Variants in UPF3B observed in about 807,000 individuals in gnomAD.
UPF3B encodes regulator of nonsense transcripts 3B.
Under a neutral mutation model 40.3 loss-of-function variants are expected in UPF3B, and 7 were observed. That is an observed-to-expected ratio of 0.17 (90% confidence interval 0.10 to 0.33). UPF3B has a LOEUF of 0.33. Among genes scored for constraint, UPF3B ranks in the 10% least tolerant of loss-of-function variants. The pLI is 1.00. For synonymous variants in UPF3B, 117 were observed against 117.3 expected (o/e 1.00, Z 0.01); for missense variants, 229 against 358.9 (o/e 0.64, Z 2.93).
intron 4 of UPF3B, among the ~76,000 whole-genome samples, chrX:119,818,037 C>T (rs1005143453): frequency 9.0e-6 from 1 of 111,330 alleles, no homozygotes; most frequent in Non-Finnish European, 1.9e-5. Flanking sequence ...GAGGCCGAGG[C>T]GGGTGGATCA....
chrX:119,814,859 C>CTTTTTTTT (rs140201169), intron 5 of UPF3B, among the ~76,000 whole-genome samples: 42 of 46,236 alleles, frequency 9.1e-4, no homozygotes, highest in East Asian at 1.8e-3. Flanking sequence ...TTCTTTCTTT[C>CTTTTTTTT]TTTTTTTTTT....
rs1469241408 is a variant in UPF3B at position 119,834,309 on chromosome X, T to C, written c.*569A>G. Reference sequence around the variant, plus strand: ...AAAACTAAAACTAATCCTAAAACTTTAGGACACTGGATACAGAAGTAACAT... The same window carrying C: ...AAAACTAAAACTAATCCTAAAACTTCAGGACACTGGATACAGAAGTAACAT... On this transcript the variant is annotated 3_prime_UTR_variant, in exon 11 of 11. Transcript: ENST00000276201. 2 of 754,849 alleles carry C rather than the reference T, an allele frequency of 2.6e-6. No individual in the cohort carries two copies. The highest frequency in any genetic ancestry group is 2.3e-5 in the African/African-American group (1 of 43,464). 62.2% of individuals were successfully genotyped at this position (754,849 alleles called of 1,213,427 possible). A position where few individuals can be genotyped will look rare whatever the true frequency, so the allele number is the denominator to read the frequency against.
intron 1 of UPF3B, 152 bp downstream of exon 1, chrX:119,852,621 G>T: frequency 1.1e-6 from 1 of 937,355 alleles, no homozygotes; most frequent in Non-Finnish European, 1.5e-6. Flanking sequence ...CCCATTTCGG[G>T]TGAATGGATG....
intron 4 of UPF3B, among the ~76,000 whole-genome samples, chrX:119,816,692 T>C (rs1945259314): frequency 8.9e-6 from 1 of 111,979 alleles, no homozygotes; most frequent in Non-Finnish European, 1.9e-5. Context: ...CTCTAACCTC[T>C]ACCTTGGCTT....
Position 119,835,018 on chromosome X carries a change from C to T in UPF3B, c.1312G>A (p.Ala438Thr), listed in dbSNP as rs1156990069. 2.5e-6 allele frequency: 3 copies of T among 1,210,229 alleles called. No homozygotes were observed. Among genetic ancestry groups the T allele is most frequent in the African/African-American group, 3.5e-5 (2 of 57,321 alleles). ...GCTCCTGGTTGGTAAAGCTGCATCG[C>T]TGGACGATCCTGAAGTACAATAAAA... The part of the protein sequence containing the change: ...RDRIRNKDRP[A>T]MQLYQPGARS... The change falls in exon 11 of 11, where the codon GCG becomes ACG. Residue 438 changes from alanine (A) to threonine (T), a missense_variant. Transcript: ENST00000276201.
chrX:119,819,646 C>T (rs960998475), intron 4 of UPF3B, among the ~76,000 whole-genome samples: 22 of 111,236 alleles, frequency 2.0e-4, no homozygotes, highest in African/African-American at 5.9e-4. Flanking sequence ...GGTTAAATTC[C>T]AAGGACCTCC....
Position 119,834,100 on chromosome X carries a change from T to C in UPF3B, c.*778A>G. On this transcript the variant is annotated 3_prime_UTR_variant, in exon 11 of 11. Transcript: ENST00000276201. ...ACTAAAAGTTGCTATTTAACAGGAA[T>C]AGACACTGGTGCAGTTTCCTTCCTG... The C allele has an allele frequency of 1.3e-6, 1 of 754,295 alleles. No homozygotes were observed. Among genetic ancestry groups the C allele is most frequent in the South Asian group, 6.7e-5 (1 of 14,883 alleles). The allele number at this position is 754,295 out of a possible 1,213,427, so 62.2% of individuals were successfully genotyped here. A position where few individuals can be genotyped will look rare whatever the true frequency, so the allele number is the denominator to read the frequency against.
chrX:119,807,027 T>TAAAAAAAAAAAAAAAAA (rs1191950024), intron 6 of UPF3B, among the ~76,000 whole-genome samples: 2 of 21,417 alleles, frequency 9.3e-5, no homozygotes, highest in South Asian at 3.2e-3. Flanking sequence ...AGACCCTGTC[T>TAAAAAAAAAAAAAAAAA]AAAAAAAAAA....
chrX:119,830,380 C>T (rs970127590), downstream of UPF3B, among the ~76,000 whole-genome samples: 18 of 110,405 alleles, frequency 1.6e-4, no homozygotes, highest in African/African-American at 5.0e-4. Flanking sequence ...GAGCTGGTTG[C>T]TGTAAAGTGT....
At chrX:119,815,373 G>T in intron 4 of UPF3B, 3 of 512,206 alleles carry the variant, frequency 5.9e-6, no homozygotes, top group Non-Finnish European at 7.2e-6. Flanking sequence ...GGATTTTCAA[G>T]TCATAACTTA....
intron 3 of UPF3B, among the ~76,000 whole-genome samples, chrX:119,823,528 C>T (rs1211273420): frequency 4.6e-5 from 5 of 107,642 alleles, no homozygotes; most frequent in African/African-American, 1.7e-4. Flanking sequence ...GGAGCCATCA[C>T]GCCTGGCCCA....
chrX:119,823,850 C>T (rs899962493), intron 3 of UPF3B, among the ~76,000 whole-genome samples: 29 of 111,686 alleles, frequency 2.6e-4, no homozygotes, highest in Non-Finnish European at 1.1e-4. Flanking sequence ...AGGCATGAGC[C>T]ACCAACACTG....
chrX:119,820,903 G>T (rs2055910901), intron 4 of UPF3B, among the ~76,000 whole-genome samples: 1 of 111,971 alleles, frequency 8.9e-6, no homozygotes, highest in Non-Finnish European at 1.9e-5. Flanking sequence ...AGGAAGGGCT[G>T]GCAGGATGAA....
chrX:119,849,781 T>C (rs1344434735), intron 3 of UPF3B, among the ~76,000 whole-genome samples: 1 of 110,203 alleles, frequency 9.1e-6, no homozygotes, highest in African/African-American at 3.3e-5. Flanking sequence ...ATGAAAAAAA[T>C]GGAAAATCCT....
chrX:119,851,764 T>TTTTTTTTTTTTTTTAAA lies in UPF3B; in HGVS notation c.263+2_263+3insTTTAAAAAAAAAAAAAA. On this transcript the variant is annotated splice_region_variant and intron_variant, in intron 2 of 10. Coordinates refer to ENST00000276201, the MANE Select transcript of UPF3B (RefSeq NM_080632.3). Reference sequence around the variant, plus strand: ...ACCCCTTTCCTTTTTTTTTTTTTTTTACCTCGTATCATTAGAAAAAAACTC... The same window carrying TTTTTTTTTTTTTTTAAA: ...ACCCCTTTCCTTTTTTTTTTTTTTTTTTTTTTTTTTTTTTAAAACCTCGTATCATTAGAAAAAAACTC... 1 of 968,482 alleles carries TTTTTTTTTTTTTTTAAA rather than the reference T, an allele frequency of 1.0e-6. No homozygotes were observed. The highest frequency in any genetic ancestry group is 1.4e-6 in the Non-Finnish European group (1 of 710,202). 79.8% of individuals were successfully genotyped at this position (968,482 alleles called of 1,213,427 possible).
intron 4 of UPF3B, among the ~76,000 whole-genome samples, chrX:119,816,740 C>T (rs373511406): frequency 1.1e-4 from 12 of 111,674 alleles, no homozygotes; most frequent in Admixed American, 2.9e-4. Flanking sequence ...CTACAGTATT[C>T]GTTGTCTCTT....
chrX:119,807,027 TAAAAAA>T (rs1191950024), intron 6 of UPF3B, among the ~76,000 whole-genome samples: 5 of 21,419 alleles, frequency 2.3e-4, no homozygotes, highest in East Asian at 1.5e-3. Context: ...AGACCCTGTC[TAAAAAA>T]AAAAAAAAAA....
downstream of UPF3B, among the ~76,000 whole-genome samples, chrX:119,829,150 T>C (rs1208328896): frequency 1.8e-5 from 2 of 111,890 alleles, no homozygotes; most frequent in African/African-American, 6.5e-5. Context: ...GCCTCCTGAG[T>C]AGCTGGGACT....
chrX:119,835,386 C>G (rs2056080712), intron 10 of UPF3B, among the ~76,000 whole-genome samples: 1 of 111,434 alleles, frequency 9.0e-6, no homozygotes, highest in South Asian at 3.8e-4. Flanking sequence ...TAGGCACGCA[C>G]TACCACACTG....
Sources: allele counts gnomAD v4.1 joint callset (sites outside exome capture counted in the v4.1 genomes callset), GRCh38; gene constraint gnomAD v4.1.1; transcripts MANE v1.5; gene names NCBI Gene and HGNC (gene_info 2026-07-23, HGNC 2026-07-21).